The following CDH22 variants were observed in gnomAD, a reference collection of about 807,000 sequenced individuals.
The protein encoded by CDH22 is cadherin 22.
A neutral mutation model predicts 58.4 loss-of-function variants in CDH22; 30 were observed. The ratio of observed to expected loss-of-function variants is 0.51; its 90% CI spans 0.38 to 0.70. CDH22 has a LOEUF of 0.70. Among genes scored for constraint, CDH22 ranks in the 30% least tolerant of loss-of-function variants. The probability of loss-of-function intolerance (pLI) is 0.00; values close to 1 mark genes in which losing one functional copy is unlikely to be tolerated. For missense variants in CDH22, 1,014 were observed against 1,233.9 expected (o/e 0.82, Z 2.67); for synonymous variants, 513 against 558.2 (o/e 0.92, Z 1.14).
chr20:46,207,464 G>A (rs1250075963), intron 7 of CDH22, among the ~76,000 whole-genome samples: 1 of 152,198 alleles, frequency 6.6e-6, no homozygotes, highest in Non-Finnish European at 1.5e-5. Context: ...AAACAGAGGT[G>A]ACAGTGCCCT....
At chr20:46,273,316 C>G (rs1308791193) in intron 1 of CDH22, among the ~76,000 whole-genome samples, 2 of 152,170 alleles carry the variant, frequency 1.3e-5, no homozygotes, top group African/African-American at 4.8e-5. Context: ...CCTGGTAATT[C>G]CTTACAAAGA....
chr20:46,210,295 CG>C lies in CDH22; in HGVS notation c.1286+11del. ...GCAGGCAGCAGGCGTCGGCCCCGGG[CG>C]GGGGTCTCACCGGACGGGCCGGTTG... On this transcript the variant is annotated intron_variant, in intron 7 of 11. Transcript: ENST00000537909. This position sits in a 1 kb window ranked among gnomAD's most constrained non-coding sequence, Gnocchi z 4.5. 1.4e-6 allele frequency: 2 copies of C among 1,401,102 alleles called. No individual in the cohort carries two copies. Among genetic ancestry groups the C allele is most frequent in the South Asian group, 1.5e-5 (1 of 65,974 alleles). 86.8% of individuals were successfully genotyped at this position (1,401,102 alleles called of 1,614,324 possible). A position where few individuals can be genotyped will look rare whatever the true frequency, so the allele number is the denominator to read the frequency against.
chr20:46,265,880 C>T (rs1176903098), intron 1 of CDH22, among the ~76,000 whole-genome samples: 2 of 151,936 alleles, frequency 1.3e-5, no homozygotes, highest in Admixed American at 6.6e-5. Context: ...CTCCTGGTTG[C>T]CTGCCCCCTG....
chr20:46,227,682 C>T lies in CDH22; in HGVS notation c.551-55G>A, dbSNP rs2086188834. 6 of 1,553,912 alleles carry T rather than the reference C, an allele frequency of 3.9e-6. No homozygotes were observed. In the South Asian group the frequency reaches 6.0e-5, roughly 15 times the overall value. The stretch of plus-strand genomic sequence containing the variant: ...GTCATCTGGGGCTGCGGAGCTCGTT[C>T]CCCCACTTCGCCTCACCCCAGGGAA... On this transcript the variant is annotated intron_variant, in intron 3 of 11. Transcript: ENST00000537909.
intron 1 of CDH22, among the ~76,000 whole-genome samples, chr20:46,306,053 T>C (rs994311551): frequency 2.6e-5 from 4 of 152,250 alleles, no homozygotes; most frequent in Admixed American, 1.3e-4. Flanking sequence ...GGCCAAACTT[T>C]GTCCTCTGCT....
intron 3 of CDH22, among the ~76,000 whole-genome samples, chr20:46,232,692 C>T (rs530663777): frequency 6.6e-6 from 1 of 152,124 alleles, no homozygotes; most frequent in African/African-American, 2.4e-5. Flanking sequence ...AAATTAAAAA[C>T]CACTTGTCGA....
intron 3 of CDH22, 137 bp from the exon 4 acceptor site, chr20:46,227,764 C>T (rs1415339683): frequency 8.7e-6 from 11 of 1,264,360 alleles, no homozygotes; most frequent in Middle Eastern, 1.9e-4. Context: ...CAGCCCCTCA[C>T]GGTCCCCATC....
At chr20:46,298,448 G>A (rs1038103216) in intron 1 of CDH22, among the ~76,000 whole-genome samples, 2 of 152,174 alleles carry the variant, frequency 1.3e-5, no homozygotes, top group African/African-American at 4.8e-5. Context: ...GATTCTGAGG[G>A]TGAATGAGGG....
At chr20:46,278,111 G>A (rs1374608759) in intron 1 of CDH22, among the ~76,000 whole-genome samples, 1 of 152,054 alleles carries the variant, frequency 6.6e-6, no homozygotes, top group Admixed American at 6.5e-5. Context: ...GTGATCAAGG[G>A]GTGGGGGCCC....
intron 8 of CDH22, 98 bp downstream of exon 8, chr20:46,199,325 G>A (rs2085935645): frequency 7.1e-7 from 1 of 1,413,006 alleles, no homozygotes. Context: ...TGACTGACAG[G>A]GCTGCCTTGG....
At chr20:46,238,196 T>A (rs2145723624) in intron 3 of CDH22, among the ~76,000 whole-genome samples, 1 of 152,338 alleles carries the variant, frequency 6.6e-6, no homozygotes, top group African/African-American at 2.4e-5. Context: ...TTCTCTAGCA[T>A]CAGCTCTCCC....
intron 1 of CDH22, among the ~76,000 whole-genome samples, chr20:46,262,491 A>T (rs968816746): frequency 6.6e-6 from 1 of 152,130 alleles, no homozygotes; most frequent in Non-Finnish European, 1.5e-5. Context: ...TCCTGTTCCA[A>T]ACCTTCCTTG....
rs558535939 is a variant in CDH22 at position 46,232,017 on chromosome 20, G to C, written c.551-4390C>G. ...CTCCGTATCATCAGGAGGCACCTGGGGCTGTGCCTCCCTGAGTAGAAGACC... is the reference window on the plus strand; with the variant it reads ...CTCCGTATCATCAGGAGGCACCTGGCGCTGTGCCTCCCTGAGTAGAAGACC... On this transcript the variant is annotated intron_variant, in intron 3 of 11. Transcript: ENST00000537909. Among the ~76,000 whole-genome samples, 18 of 152,286 alleles carry C rather than the reference G, an allele frequency of 1.2e-4. No individual in the cohort carries two copies. The South Asian group carries it at 3.7e-3, about 32-fold the overall frequency.
At position 46,174,489 on chromosome 20, in the gene CDH22, G is replaced by C. The variant is rs745508542; in HGVS notation, c.*17C>G. 2.8e-6 allele frequency: 4 copies of C among 1,454,212 alleles called. No homozygotes were observed. The African/African-American group carries it at 6.0e-5, about 22-fold the overall frequency. The allele number at this position is 1,454,212 out of a possible 1,614,324, so 90.1% of individuals were successfully genotyped here. On this transcript the variant is annotated 3_prime_UTR_variant, in exon 12 of 12. Coordinates refer to ENST00000537909, the MANE Select transcript of CDH22 (RefSeq NM_021248.3). The surrounding 1 kb of genome is among the most constrained non-coding windows in gnomAD (Gnocchi z 4.4). ...CTGGGCGGGTGAGCAGCCGCGCCCCGACGGCAGGGCGAGGGGCTAGGAGGC... is the reference window on the plus strand; with the variant it reads ...CTGGGCGGGTGAGCAGCCGCGCCCCCACGGCAGGGCGAGGGGCTAGGAGGC...
intron 10 of CDH22, among the ~76,000 whole-genome samples, chr20:46,184,307 C>T (rs953241520): frequency 6.6e-6 from 1 of 152,136 alleles, no homozygotes; most frequent in Non-Finnish European, 1.5e-5. Flanking sequence ...CCATGTTGGC[C>T]AGGCTGGTCT....
At chr20:46,247,043 A>AC (rs1451458218) in intron 2 of CDH22, among the ~76,000 whole-genome samples, 18 of 91,384 alleles carry the variant, frequency 2.0e-4, no homozygotes, top group South Asian at 4.0e-4. Context: ...GCTAATGACA[A>AC]CCTTCCCCCC....
intron 1 of CDH22, among the ~76,000 whole-genome samples, chr20:46,290,847 G>T (rs558220383): frequency 1.3e-5 from 2 of 152,176 alleles, no homozygotes; most frequent in Non-Finnish European, 2.9e-5. Flanking sequence ...GGGTCTATGG[G>T]GGGTGTGTTT....
At chr20:46,254,609 T>C (rs2086397261) in intron 1 of CDH22, among the ~76,000 whole-genome samples, 1 of 151,536 alleles carries the variant, frequency 6.6e-6, no homozygotes, top group Non-Finnish European at 1.5e-5. Context: ...ACTGACTTTC[T>C]GGTGGGGGAC....
At chr20:46,248,349 C>T (rs534972644) in intron 2 of CDH22, among the ~76,000 whole-genome samples, 5 of 152,206 alleles carry the variant, frequency 3.3e-5, no homozygotes. Flanking sequence ...GGGCAGACAG[C>T]AAGGCTGAAG....
Sources: gnomAD v4.1 joint callset for allele counts (sites outside exome capture counted in the v4.1 genomes callset) on GRCh38, gnomAD v4.1.1 for gene constraint, Gnocchi (gnomAD v3.1) non-coding constraint, MANE v1.5 for transcripts, NCBI Gene and HGNC (gene_info 2026-07-23, HGNC 2026-07-21) for gene names.